CASR: variants seen among roughly 807,000 people sequenced by gnomAD.
The protein encoded by CASR is extracellular calcium-sensing receptor.
In CASR, 23 loss-of-function variants were observed where a neutral mutation model predicts 69.1. That is an observed-to-expected ratio of 0.33 (90% CI 0.24 to 0.47). CASR has a LOEUF of 0.47. CASR is among the 20% of genes least tolerant of loss of function. CASR has a pLI of 1.00. For synonymous variants in CASR, 541 were observed against 544.7 expected (o/e 0.99, Z 0.10); for missense variants, 924 against 1,356.1 (o/e 0.68, Z 5.00).
chr3:122,283,918 T>C lies in CASR; in HGVS notation c.1964T>C (p.Leu655Pro). ...ATNRELSYLL[L>P]FSLLCCFSSS... Reference sequence around the variant, plus strand: ...AACCGAGAGCTCTCCTACCTCCTCCTCTTCTCCCTGCTCTGCTGCTTCTCC... The same window carrying C: ...AACCGAGAGCTCTCCTACCTCCTCCCCTTCTCCCTGCTCTGCTGCTTCTCC... Residue 655 changes from leucine to proline, a missense_variant, in exon 7 of 7, where the codon CTC (leucine) becomes CCC (proline). Around this residue, in one of 8 missense-constraint regions of CASR, gnomAD observed 184 missense variants for 278.8 expected, o/e 0.66. Coordinates refer to ENST00000639785, the MANE Select transcript of CASR (RefSeq NM_000388.4). The C allele has an allele frequency of 6.2e-7, 1 of 1,613,618 alleles. No homozygotes were observed. Among genetic ancestry groups the C allele is most frequent in the Non-Finnish European group, 8.5e-7 (1 of 1,179,942 alleles).
intron 1 of CASR, among the ~76,000 whole-genome samples, chr3:122,201,208 G>A (rs1465205937): frequency 1.3e-5 from 2 of 151,968 alleles, no homozygotes; most frequent in African/African-American, 4.8e-5. Context: ...GACTCCCAAC[G>A]AGCATGTTGC....
At chr3:122,229,889 C>G (rs891339394) in intron 1 of CASR, among the ~76,000 whole-genome samples, 4 of 152,092 alleles carry the variant, frequency 2.6e-5, no homozygotes, top group African/African-American at 9.7e-5. Flanking sequence ...AAAAAGGAAG[C>G]CTCCCATTCC....
At position 122,203,178 on chromosome 3, in the gene CASR, G is replaced by A. The variant is rs149191840; in HGVS notation, c.-243+19366G>A. ...TCAACTAGCCAAGTTGTGCATTTGC[G>A]ACACACACATACACCTATTGAGATT... On this transcript the variant is annotated intron_variant, in intron 1 of 6. Coordinates refer to ENST00000639785, the MANE Select transcript of CASR (RefSeq NM_000388.4). Among the ~76,000 whole-genome samples, 739 of 152,276 alleles carry A rather than the reference G, an allele frequency of 4.9e-3. 5 individuals are homozygous for A. The highest frequency in any genetic ancestry group is 9.5e-3 in the South Asian group (46 of 4,828).
At chr3:122,250,834 T>TA (rs2074475471) in intron 1 of CASR, among the ~76,000 whole-genome samples, 1 of 152,224 alleles carries the variant, frequency 6.6e-6, no homozygotes, top group African/African-American at 2.4e-5. Context: ...GAGAAAAAGT[T>TA]ACTTTTTTTT....
chr3:122,247,114 A>T (rs1442993471), intron 1 of CASR: 1 of 152,140 alleles, frequency 6.6e-6, no homozygotes, highest in Admixed American at 6.5e-5. Context: ...TATGCTTTCC[A>T]CTCAGTCAGC....
At chr3:122,233,260 C>G (rs997736266) in intron 1 of CASR, among the ~76,000 whole-genome samples, 1 of 152,228 alleles carries the variant, frequency 6.6e-6, no homozygotes, top group African/African-American at 2.4e-5. Flanking sequence ...CCCCACCGTT[C>G]TCCTTCTCTG....
rs1436637874 is a variant in CASR at position 122,284,738 on chromosome 3, G to A, written c.2784G>A (p.Glu928=). 1 of 1,614,166 alleles carries A rather than the reference G, an allele frequency of 6.2e-7. No homozygotes were observed. The change falls in exon 7 of 7, where the codon GAG becomes GAA. Residue 928 remains glutamate, a synonymous_variant. Transcript: ENST00000639785. ...SNSEDPFPQP[E]RQKQQQPLAL... is the part of the protein sequence containing the mutation. ...GCGAAGACCCATTCCCACAGCCCGAGAGGCAGAAGCAGCAGCAGCCGCTGG... is the reference window on the plus strand; with the variant it reads ...GCGAAGACCCATTCCCACAGCCCGAAAGGCAGAAGCAGCAGCAGCCGCTGG...
chr3:122,185,061 C>A (rs1290872571), intron 1 of CASR, among the ~76,000 whole-genome samples: 1 of 152,010 alleles, frequency 6.6e-6, no homozygotes, highest in Non-Finnish European at 1.5e-5. Context: ...TGAGCACCAG[C>A]CTCCATGTGT....
chr3:122,254,361 G>C lies in CASR; in HGVS notation c.172G>C (p.Val58Leu), dbSNP rs1161795745. Reference sequence around the variant, plus strand: ...AGATCTCAAATCAAGGCCGGAGTCTGTGGAATGTATCAGGTAAGAAGAGGG... The same window carrying C: ...AGATCTCAAATCAAGGCCGGAGTCTCTGGAATGTATCAGGTAAGAAGAGGG... ...DQDLKSRPES[V>L]ECIRYNFRGF... Residue 58 changes from valine (V) to leucine (L), a missense_variant, in exon 2 of 7, where the codon GTG (valine) becomes CTG (leucine). This residue lies in a region of CASR where 141 missense variants were observed against 283.0 expected (regional missense o/e 0.50). Coordinates refer to ENST00000639785, the MANE Select transcript of CASR (RefSeq NM_000388.4). The C allele has an allele frequency of 1.9e-6, 3 of 1,614,070 alleles. No individual in the cohort carries two copies. In the Admixed American group the frequency reaches 5.0e-5, roughly 27 times the overall value.
intron 6 of CASR, among the ~76,000 whole-genome samples, chr3:122,282,528 C>T (rs1032076694): frequency 6.6e-6 from 1 of 152,178 alleles, no homozygotes; most frequent in African/African-American, 2.4e-5. Context: ...CCTGCATGGA[C>T]ACAGTTATGT....
At chr3:122,272,675 A>G (rs1385816060) in intron 4 of CASR, among the ~76,000 whole-genome samples, 2 of 152,200 alleles carry the variant, frequency 1.3e-5, no homozygotes, top group Non-Finnish European at 2.9e-5. Flanking sequence ...CCCCTAATCC[A>G]TATGAAAACT....
At chr3:122,246,689 T>A (rs1420567600) in intron 1 of CASR, 2 of 152,168 alleles carry the variant, frequency 1.3e-5, no homozygotes, top group Non-Finnish European at 2.9e-5. Context: ...ATTGGTAGCT[T>A]GAAACTGACC....
At chr3:122,281,271 G>A (rs1030546316) in intron 5 of CASR, among the ~76,000 whole-genome samples, 1 of 152,208 alleles carries the variant, frequency 6.6e-6, no homozygotes, top group Admixed American at 6.5e-5. Context: ...CTGCTCTTCA[G>A]TTGTTTCTAA....
At chr3:122,217,413 T>C (rs931126557) in intron 1 of CASR, among the ~76,000 whole-genome samples, 7 of 152,106 alleles carry the variant, frequency 4.6e-5, no homozygotes, top group East Asian at 1.9e-4. Flanking sequence ...GAAAATACAA[T>C]TCTATGAGGT....
chr3:122,247,091 A>G (rs2074435459), intron 1 of CASR: 1 of 152,214 alleles, frequency 6.6e-6, no homozygotes, highest in Non-Finnish European at 1.5e-5. Context: ...CGAGAATCTC[A>G]GATTACAGAC....
rs757609825 is a variant in CASR at position 122,285,140 on chromosome 3, T to C, written c.3186T>C (p.Phe1062=). 1 of 1,614,178 alleles carries C rather than the reference T, an allele frequency of 6.2e-7. No homozygotes were observed. Among genetic ancestry groups the C allele is most frequent in the Non-Finnish European group, 8.5e-7 (1 of 1,180,026 alleles). ...TTGTAGTGTCCAGTTCACAGAGCTT[T>C]GTCATCAGTGGTGGAGGCAGCACTG... ...PALVVSSSQS[F]VISGGGSTVT... is the part of the protein sequence containing the mutation. The change falls in exon 7 of 7, where the codon TTT becomes TTC. Residue 1062 remains phenylalanine (F), a synonymous_variant. Transcript: ENST00000639785.
chr3:122,208,221 TTC>T (rs1341616396), intron 1 of CASR, among the ~76,000 whole-genome samples: 1 of 152,156 alleles, frequency 6.6e-6, no homozygotes, highest in East Asian at 1.9e-4. Context: ...CTTTGCTAAA[TTC>T]TCTCTTTGTT....
At chr3:122,265,867 G>A (rs532233386) in intron 4 of CASR, among the ~76,000 whole-genome samples, 8 of 152,304 alleles carry the variant, frequency 5.3e-5, no homozygotes, top group African/African-American at 1.9e-4. Flanking sequence ...GTCAGATGGA[G>A]CTGATCTTTC....
chr3:122,185,898 G>A (rs1168661729), intron 1 of CASR, among the ~76,000 whole-genome samples: 1 of 152,170 alleles, frequency 6.6e-6, no homozygotes, highest in Admixed American at 6.5e-5. Flanking sequence ...CCCTTGAGTA[G>A]AGAAGACTCC....
Sources: allele counts gnomAD v4.1 joint callset (sites outside exome capture counted in the v4.1 genomes callset), GRCh38; gene constraint gnomAD v4.1.1; regional missense constraint gnomAD v4.1.1; transcripts MANE v1.5; gene names NCBI Gene and HGNC (gene_info 2026-07-23, HGNC 2026-07-21).